Variants in ARG1 observed in about 807,000 individuals in gnomAD.
ARG1 encodes arginase-1.
In ARG1, 20 loss-of-function variants were observed where a neutral mutation model predicts 33.0. That is an observed-to-expected ratio of 0.61 (90% CI 0.43 to 0.88). The LOEUF (loss-of-function observed/expected upper bound fraction) is 0.88. ARG1 is among the 40% of genes least tolerant of loss of function. ARG1 has a pLI of 0.00. For missense variants in ARG1, 374 were observed against 384.7 expected, an observed-to-expected ratio of 0.97 and a Z score of 0.23; for synonymous variants, 146 against 140.6, an observed-to-expected ratio of 1.04 and a Z score of -0.27.
chr6:131,583,776 C>A lies in ARG1; in HGVS notation c.837C>A (p.Asn279Lys). ...CAGGATTAGATATAATGGAAGTGAACCCATCCCTGGGGAAGACACCAGAAG... is the reference window on the plus strand; with the variant it reads ...CAGGATTAGATATAATGGAAGTGAAACCATCCCTGGGGAAGACACCAGAAG... ...LLSGLDIMEV[N>K]PSLGKTPEEV... is the part of the protein sequence containing the mutation. Residue 279 changes from asparagine to lysine, a missense_variant, in exon 8 of 8, where the codon AAC becomes AAA. Transcript: ENST00000368087. 6.2e-7 allele frequency: 1 copy of A among 1,614,016 alleles called. No individual in the cohort carries two copies. The highest frequency in any genetic ancestry group is 8.5e-7 in the Non-Finnish European group (1 of 1,179,926).
chr6:131,580,905 G>C (rs1773885849), intron 3 of ARG1, among the ~76,000 whole-genome samples: 1 of 152,140 alleles, frequency 6.6e-6, no homozygotes, highest in Admixed American at 6.6e-5. Context: ...TTTCTTGTGT[G>C]GCTAGTATTT....
chr6:131,577,586 C>T (rs750487973), intron 2 of ARG1, among the ~76,000 whole-genome samples: 25 of 151,914 alleles, frequency 1.6e-4, no homozygotes, highest in African/African-American at 5.1e-4. Flanking sequence ...ATCCATGCAA[C>T]GAGATAGTAT....
Position 131,583,364 on chromosome 6 carries a change from G to A in ARG1, c.675G>A (p.Arg225=). The change falls in exon 7 of 8, where the codon AGG becomes AGA. Residue 225 remains arginine (R), a synonymous_variant. Transcript: ENST00000368087. ...TCCCACTTCTTAAAAGAAAGAAAAG[G>A]CCAATTCATCTAAGTTTTGATGTTG... ...TLSYLLGRKK[R]PIHLSFDVDG... is the part of the protein sequence containing the mutation. 1 of 1,614,102 alleles carries A rather than the reference G, an allele frequency of 6.2e-7. No individual in the cohort carries two copies. The highest frequency in any genetic ancestry group is 8.5e-7 in the Non-Finnish European group (1 of 1,179,996).
chr6:131,581,648 C>G (rs1014991834), intron 4 of ARG1, among the ~76,000 whole-genome samples: 2 of 152,170 alleles, frequency 1.3e-5, no homozygotes, highest in African/African-American at 4.8e-5. Flanking sequence ...ATAAACAGGT[C>G]AGTGGAGGTT....
chr6:131,583,665 A>ATCTT, intron 7 of ARG1, 77 bp from the exon 8 acceptor site: 1 of 1,550,946 alleles, frequency 6.4e-7, no homozygotes, highest in African/African-American at 1.4e-5. Flanking sequence ...TTAGTGGATA[A>ATCTT]TCTTTCAAGT....
At chr6:131,581,464 T>TATC in intron 4 of ARG1, 86 bp downstream of exon 4, 1 of 1,406,316 alleles carries the variant, frequency 7.1e-7, no homozygotes, top group Non-Finnish European at 9.8e-7. Context: ...AACTCCATGT[T>TATC]ATCTTATTCT....
chr6:131,573,343 A>T lies in ARG1; in HGVS notation c.57+4A>T. ...AGCTCCTTTCTCAAAGGGACAGGTA[A>T]GGAAAAAAGTCTTTCTTTGAATTCC... On this transcript the variant is annotated splice_donor_region_variant and intron_variant, in intron 1 of 7. Transcript: ENST00000368087. 1 of 1,613,988 alleles carries T rather than the reference A, an allele frequency of 6.2e-7. No individual in the cohort carries two copies. Among genetic ancestry groups the T allele is most frequent in the Non-Finnish European group, 8.5e-7 (1 of 1,179,918 alleles).
In ARG1 at chr6:131,581,373, G is replaced by A. The variant is rs1297815353; in HGVS notation, c.460G>A (p.Gly154Arg). The change falls in exon 4 of 8, where the codon GGA becomes AGA. Residue 154 changes from glycine to arginine, a missense_variant. Gly to Arg is a moderately radical substitution (Grantham distance 125, BLOSUM62 -2). Transcript: ENST00000368087. The stretch of plus-strand genomic sequence containing the variant: ...ATCTTTCCTCCTGAAGGAACTAAAA[G>A]GAAAGGTAAAAGACTGGTTGGTACT... ...PVSFLLKELK[G>R]KIPDVPGFSW... is the part of the protein sequence containing the mutation. 1 of 1,612,464 alleles carries A rather than the reference G, an allele frequency of 6.2e-7. No homozygotes were observed. Among genetic ancestry groups the A allele is most frequent in the South Asian group, 1.1e-5 (1 of 90,770 alleles).
At chr6:131,574,323 G>T (rs1186886443) in intron 1 of ARG1, 3 of 1,613,702 alleles carry the variant, frequency 1.9e-6, no homozygotes, top group Non-Finnish European at 2.5e-6. Context: ...AGAGGCCAGA[G>T]GTTAGAGGCC....
chr6:131,583,798 G>A lies in ARG1; in HGVS notation c.859G>A (p.Glu287Lys), dbSNP rs1774063642. ...EVNPSLGKTP[E>K]EVTRTVNTAV... The stretch of plus-strand genomic sequence containing the variant: ...GAACCCATCCCTGGGGAAGACACCA[G>A]AAGAAGTAACTCGAACAGTGAACAC... Residue 287 changes from glutamate (E) to lysine (K), a missense_variant, in exon 8 of 8, where the codon GAA becomes AAA. Glu to Lys is a moderately conservative substitution (Grantham distance 56, BLOSUM62 1). Transcript: ENST00000368087. 3 of 1,613,984 alleles carry A rather than the reference G, an allele frequency of 1.9e-6. No homozygotes were observed. The South Asian group carries it at 3.3e-5, about 18-fold the overall frequency.
Position 131,583,745 on chromosome 6 carries a change from T to A in ARG1, c.806T>A (p.Leu269Gln). Residue 269 changes from leucine (L) to glutamine (Q), a missense_variant, in exon 8 of 8, where the codon CTA becomes CAA. By Grantham distance (113) the Leu-to-Gln change is moderately radical (BLOSUM62 -2). Coordinates refer to ENST00000368087, the MANE Select transcript of ARG1 (RefSeq NM_000045.4). ...YITEEIYKTGLLSGLDIMEVN... is the reference protein window; with the variant it reads ...YITEEIYKTGQLSGLDIMEVN... ...TTATTACAATTTGTTGTTGTAGGGC[T>A]ACTCTCAGGATTAGATATAATGGAA... is the stretch of plus-strand genomic sequence containing the variant. 6.2e-7 allele frequency: 1 copy of A among 1,613,766 alleles called. No individual in the cohort carries two copies. The highest frequency in any genetic ancestry group is 8.5e-7 in the Non-Finnish European group (1 of 1,179,678).
At position 131,576,740 on chromosome 6, in the gene ARG1, T is replaced by C; in HGVS notation, c.130+5T>C. 6.2e-7 allele frequency: 1 copy of C among 1,612,218 alleles called. No individual in the cohort carries two copies. Among genetic ancestry groups the C allele is most frequent in the Non-Finnish European group, 8.5e-7 (1 of 1,178,368 alleles). On this transcript the variant is annotated splice_donor_5th_base_variant and intron_variant, in intron 2 of 7. Coordinates refer to ENST00000368087, the MANE Select transcript of ARG1 (RefSeq NM_000045.4). ...TTGAGAAACTTAAAGAACAAGGTAA[T>C]TTTTAAGTTGAAAAATGATCAGCCT...
chr6:131,576,812 G>A, intron 2 of ARG1, 77 bp downstream of exon 2: 1 of 1,277,532 alleles, frequency 7.8e-7, no homozygotes, highest in East Asian at 2.4e-5. Flanking sequence ...TGTGAACCTG[G>A]AGTGTGTCTG....
Position 131,573,290 on chromosome 6 carries a change from C to G in ARG1, c.8C>G (p.Ala3Gly). Residue 3 changes from alanine (A) to glycine (G), a missense_variant, in exon 1 of 8, where the codon GCC becomes GGC. Physicochemically the swap from Ala to Gly is moderately conservative, Grantham distance 60. Transcript: ENST00000368087. Reference sequence around the variant, plus strand: ...AAAGAGAAGTGTCAGAGCATGAGCGCCAAGTCCAGAACCATAGGGATTATT... The same window carrying G: ...AAAGAGAAGTGTCAGAGCATGAGCGGCAAGTCCAGAACCATAGGGATTATT... MS[A>G]KSRTIGIIGA... The G allele has an allele frequency of 6.2e-7, 1 of 1,613,962 alleles. No homozygotes were observed. Among genetic ancestry groups the G allele is most frequent in the Non-Finnish European group, 8.5e-7 (1 of 1,179,960 alleles).
chr6:131,574,905 T>C (rs1283404763), intron 1 of ARG1, among the ~76,000 whole-genome samples: 1 of 152,208 alleles, frequency 6.6e-6, no homozygotes, highest in East Asian at 1.9e-4. Context: ...GACTGCATAA[T>C]TCCAGACAAG....
chr6:131,576,501 C>A lies in ARG1; in HGVS notation c.58-162C>A, dbSNP rs976910251. The stretch of plus-strand genomic sequence containing the variant: ...TTTGGCATAAAAGTCATTCAGTCTA[C>A]CTTGCTGTGAAGATTAAAAGAGATG... On this transcript the variant is annotated intron_variant, in intron 1 of 7. Transcript: ENST00000368087. The A allele has an allele frequency of 3.9e-5, 27 of 687,362 alleles. No homozygotes were observed. The Admixed American group carries it at 5.7e-4, about 14-fold the overall frequency. 42.6% of individuals were successfully genotyped at this position (687,362 alleles called of 1,614,324 possible). A position where few individuals can be genotyped will look rare whatever the true frequency, so the allele number is the denominator to read the frequency against.
chr6:131,582,117 T>C (rs1020897854), intron 4 of ARG1, among the ~76,000 whole-genome samples: 3 of 152,198 alleles, frequency 2.0e-5, no homozygotes, highest in South Asian at 2.1e-4. Flanking sequence ...TCAGAAATAA[T>C]GTCTTTTGAA....
At chr6:131,574,210 G>A in intron 1 of ARG1, 3 of 1,513,726 alleles carry the variant, frequency 2.0e-6, no homozygotes, top group South Asian at 1.1e-5. Context: ...AACTACTAAG[G>A]TTGATTTTCT....
chr6:131,579,343 T>A (rs1194568857), intron 3 of ARG1, 58 bp downstream of exon 3: 1 of 1,582,268 alleles, frequency 6.3e-7, no homozygotes, highest in Non-Finnish European at 8.6e-7. Flanking sequence ...ACCAAGGCCA[T>A]AAGAAGAGAG....
Sources: allele counts gnomAD v4.1 joint callset (sites outside exome capture counted in the v4.1 genomes callset), GRCh38; gene constraint gnomAD v4.1.1; transcripts MANE v1.5; gene names NCBI Gene and HGNC (gene_info 2026-07-23, HGNC 2026-07-21).